Variants in GRM5 observed in about 807,000 individuals in gnomAD.
GRM5 encodes the protein metabotropic glutamate receptor 5.
A neutral mutation model predicts 83.1 loss-of-function variants in GRM5; 19 were observed. The observed-to-expected ratio is 0.23, with a 90% CI of 0.16 to 0.34. GRM5 has a LOEUF of 0.34. Among genes scored for constraint, GRM5 ranks in the 10% least tolerant of loss-of-function variants. GRM5 has a pLI of 1.00. For synonymous variants in GRM5, 675 were observed against 633.6 expected (o/e 1.07, Z -0.98); for missense variants, 1,160 against 1,588.3 (o/e 0.73, Z 4.58).
intron 2 of GRM5, among the ~76,000 whole-genome samples, chr11:88,923,385 C>T (rs1945726911): frequency 6.6e-6 from 1 of 152,136 alleles, no homozygotes; most frequent in Non-Finnish European, 1.5e-5. Flanking sequence ...AAATGAGACC[C>T]TGTCATGTTC....
chr11:88,922,202 C>G (rs573384802), intron 2 of GRM5, among the ~76,000 whole-genome samples: 1 of 152,076 alleles, frequency 6.6e-6, no homozygotes, highest in African/African-American at 2.4e-5. Context: ...ATCAAAATAC[C>G]ATTTACCTTC....
intron 2 of GRM5, among the ~76,000 whole-genome samples, chr11:88,962,568 T>G (rs1167543006): frequency 6.6e-6 from 1 of 152,204 alleles, no homozygotes; most frequent in Non-Finnish European, 1.5e-5. Flanking sequence ...ATTCCTGACA[T>G]CTATCCATTA....
chr11:88,698,809 C>T (rs983074187), intron 3 of GRM5, among the ~76,000 whole-genome samples: 13 of 152,116 alleles, frequency 8.5e-5, no homozygotes, highest in African/African-American at 2.7e-4. Flanking sequence ...AGAAGACATC[C>T]ATATGAACAG....
chr11:88,974,374 G>GAGATAGATAGATAGATAGAT (rs71046273), intron 2 of GRM5, among the ~76,000 whole-genome samples: 174 of 147,822 alleles, frequency 1.2e-3, no homozygotes, highest in Middle Eastern at 3.4e-3. Flanking sequence ...CCTGGCAATA[G>GAGATAGATAGATAGATAGAT]AGATAGATAG....
chr11:88,816,038 C>T (rs1448249775), intron 3 of GRM5, among the ~76,000 whole-genome samples: 1 of 145,354 alleles, frequency 6.9e-6, no homozygotes, highest in East Asian at 2.0e-4. Flanking sequence ...AAGGTGAAAC[C>T]CCGTCTCTAC....
At chr11:88,827,548 C>T (rs12282396) in intron 3 of GRM5, among the ~76,000 whole-genome samples, 3,890 of 152,324 alleles carry the variant, frequency 0.026, 176 homozygotes, top group African/African-American at 0.089. Flanking sequence ...CTTTGAACAG[C>T]TGACTGTGCT....
intron 2 of GRM5, among the ~76,000 whole-genome samples, chr11:89,009,672 G>A (rs1309076100): frequency 3.3e-5 from 5 of 151,688 alleles, no homozygotes; most frequent in East Asian, 1.9e-4. Flanking sequence ...CGAGGCGGGC[G>A]GATCACGAGG....
At chr11:88,638,604 C>A (rs571821061) in intron 4 of GRM5, among the ~76,000 whole-genome samples, 1 of 152,156 alleles carries the variant, frequency 6.6e-6, no homozygotes, top group African/African-American at 2.4e-5. Flanking sequence ...CCAGTGAAAC[C>A]AATCTGGGCC....
chr11:88,899,607 T>C lies in GRM5; in HGVS notation c.662-49452A>G, dbSNP rs574604016. 5.3e-4 allele frequency among the ~76,000 whole-genome samples: 81 copies of C among 152,064 alleles called. 1 individual carries two copies. The South Asian group carries it at 0.016, about 30-fold the overall frequency. ...ATTACTTTATAATAATAACCTACAG[T>C]TTGAAATTTAAGCTCCATTTAGGAG... On this transcript the variant is annotated intron_variant, in intron 2 of 9. Transcript: ENST00000305447.
chr11:88,869,754 C>T (rs1049452029), intron 2 of GRM5, among the ~76,000 whole-genome samples: 7 of 151,374 alleles, frequency 4.6e-5, no homozygotes, highest in African/African-American at 1.7e-4. Flanking sequence ...GAGCCAACAG[C>T]AGTCATTAGT....
intron 2 of GRM5, among the ~76,000 whole-genome samples, chr11:89,002,639 A>G (rs901465839): frequency 6.6e-6 from 1 of 152,198 alleles, no homozygotes; most frequent in African/African-American, 2.4e-5. Context: ...CAGAACCAGT[A>G]GAGATGAGTG....
chr11:88,657,788 T>C (rs1301717641), intron 3 of GRM5, among the ~76,000 whole-genome samples: 2 of 152,152 alleles, frequency 1.3e-5, no homozygotes, highest in Non-Finnish European at 2.9e-5. Flanking sequence ...CTTCAACATT[T>C]ATTAAATATC....
chr11:88,888,944 G>A (rs1356423796), intron 2 of GRM5, among the ~76,000 whole-genome samples: 1 of 152,164 alleles, frequency 6.6e-6, no homozygotes. Context: ...AACATGACCT[G>A]TAACCATGTG....
At chr11:88,782,197 A>G (rs2135464123) in intron 3 of GRM5, among the ~76,000 whole-genome samples, 1 of 152,120 alleles carries the variant, frequency 6.6e-6, no homozygotes, top group Admixed American at 6.6e-5. Context: ...AATAATAACA[A>G]TAATAATAAT....
chr11:88,536,763 G>T (rs1942143870), intron 8 of GRM5, among the ~76,000 whole-genome samples: 1 of 152,124 alleles, frequency 6.6e-6, no homozygotes, highest in Admixed American at 6.5e-5. Flanking sequence ...GTAGAATGCT[G>T]CACATTGCAT....
intron 3 of GRM5, among the ~76,000 whole-genome samples, chr11:88,816,004 G>T (rs1352152801): frequency 6.7e-6 from 1 of 148,326 alleles, no homozygotes; most frequent in Non-Finnish European, 1.5e-5. Context: ...ATGAGGTCAG[G>T]AGATCGAGAC....
At chr11:88,684,328 G>T (rs1940567538) in intron 3 of GRM5, among the ~76,000 whole-genome samples, 1 of 151,570 alleles carries the variant, frequency 6.6e-6, no homozygotes, top group South Asian at 2.1e-4. Context: ...ATTATTCCAG[G>T]TACTCTGTGG....
intron 2 of GRM5, among the ~76,000 whole-genome samples, chr11:88,972,431 T>A (rs1179915045): frequency 6.6e-6 from 1 of 152,186 alleles, no homozygotes; most frequent in Non-Finnish European, 1.5e-5. Flanking sequence ...CCACTTTTTG[T>A]GTTTCTTTTC....
intron 2 of GRM5, among the ~76,000 whole-genome samples, chr11:88,914,886 C>T (rs1037400466): frequency 2.0e-5 from 3 of 152,102 alleles, no homozygotes; most frequent in African/African-American, 4.8e-5. Context: ...TGAAAGTGCT[C>T]ATTGAATTAT....
Sources: allele counts gnomAD v4.1 joint callset (sites outside exome capture counted in the v4.1 genomes callset), GRCh38; gene constraint gnomAD v4.1.1; transcripts MANE v1.5; gene names NCBI Gene and HGNC (gene_info 2026-07-23, HGNC 2026-07-21).